DPYD: variants seen among roughly 807,000 people sequenced by gnomAD.
DPYD encodes dihydropyrimidine dehydrogenase [NADP(+)].
A neutral mutation model predicts 116.2 loss-of-function variants in DPYD; 109 were observed. The observed-to-expected ratio is 0.94, with a 90% CI of 0.80 to 1.10. The LOEUF (loss-of-function observed/expected upper bound fraction) is 1.10. DPYD is among the 50% of genes least tolerant of loss of function. The pLI is 0.00. For missense variants in DPYD, 1,302 were observed against 1,254.5 expected (o/e 1.04, Z -0.57); for synonymous variants, 440 against 432.0 (o/e 1.02, Z -0.23).
chr1:97,892,799 T>G (rs2101663580), intron 1 of DPYD, among the ~76,000 whole-genome samples: 1 of 151,986 alleles, frequency 6.6e-6, no homozygotes, highest in African/African-American at 2.4e-5. Flanking sequence ...ATTAAAAATT[T>G]ATGAAGGAAA....
chr1:97,794,515 T>C (rs1337860855), intron 3 of DPYD, among the ~76,000 whole-genome samples: 3 of 152,196 alleles, frequency 2.0e-5, no homozygotes, highest in Non-Finnish European at 4.4e-5. Flanking sequence ...ATCATAGATG[T>C]TTACAGTTAA....
chr1:97,767,152 G>C lies in DPYD; in HGVS notation c.234-26673C>G, dbSNP rs147978991. 1.3e-4 allele frequency among the ~76,000 whole-genome samples: 20 copies of C among 152,240 alleles called. 1 individual carries two copies. In the East Asian group the frequency reaches 3.9e-3, roughly 29 times the overall value. ...GAGTTACATCTGAGAAGCCACATCA[G>C]AACTTCATGTAGTATAGGAGACCCT... is the stretch of plus-strand genomic sequence containing the variant. On this transcript the variant is annotated intron_variant, in intron 3 of 22. Transcript: ENST00000370192.
chr1:97,717,240 C>G (rs974952221), intron 5 of DPYD, among the ~76,000 whole-genome samples: 1 of 151,782 alleles, frequency 6.6e-6, no homozygotes, highest in Non-Finnish European at 1.5e-5. Flanking sequence ...TATGCTGATA[C>G]GACAAGGATT....
chr1:97,439,227 G>GT (rs978346988), intron 14 of DPYD, among the ~76,000 whole-genome samples: 2 of 151,824 alleles, frequency 1.3e-5, no homozygotes, highest in Non-Finnish European at 2.9e-5. Context: ...GTTCCTATCT[G>GT]GAGTTCCTTG....
At chr1:97,342,178 T>C (rs987376512) in intron 16 of DPYD, among the ~76,000 whole-genome samples, 1 of 152,200 alleles carries the variant, frequency 6.6e-6, no homozygotes, top group Admixed American at 6.6e-5. Flanking sequence ...AAAATTGTCA[T>C]ATAAAATTGT....
At chr1:97,374,587 T>G (rs1671494091) in intron 15 of DPYD, among the ~76,000 whole-genome samples, 1 of 151,168 alleles carries the variant, frequency 6.6e-6, no homozygotes, top group Admixed American at 6.6e-5. Flanking sequence ...GGCATGGTGG[T>G]GGGCGCCTGT....
At position 97,751,429 on chromosome 1, in the gene DPYD, CGT is replaced by C. The variant is rs564067118; in HGVS notation, c.234-10952_234-10951del. Reference sequence around the variant, plus strand: ...ATATACGTGTATATATATATGTATACGTGTGTGTGTGTGTGTGTGTGTGTGTG... The same window carrying C: ...ATATACGTGTATATATATATGTATACGTGTGTGTGTGTGTGTGTGTGTGTG... On this transcript the variant is annotated intron_variant, in intron 3 of 22. Transcript: ENST00000370192. Among the ~76,000 whole-genome samples, 181 of 53,038 alleles carry C rather than the reference CGT, an allele frequency of 3.4e-3. 1 individual carries two copies. Among genetic ancestry groups the C allele is most frequent in the African/African-American group, 9.4e-3 (121 of 12,902 alleles). The allele number at this position is 53,038 out of a possible 152,430, so 34.8% of individuals were successfully genotyped here. A position where few individuals can be genotyped will look rare whatever the true frequency, so the allele number is the denominator to read the frequency against.
At chr1:97,750,298 G>C (rs1478621971) in intron 3 of DPYD, among the ~76,000 whole-genome samples, 2 of 151,842 alleles carry the variant, frequency 1.3e-5, no homozygotes, top group African/African-American at 4.8e-5. Context: ...TTTTAAAAAA[G>C]AGGTGAAAAA....
At chr1:97,476,946 T>C (rs1678000977) in intron 13 of DPYD, among the ~76,000 whole-genome samples, 1 of 152,248 alleles carries the variant, frequency 6.6e-6, no homozygotes, top group African/African-American at 2.4e-5. Context: ...TTAAACATTC[T>C]TTATTGCTAA....
rs189889169 is a variant in DPYD, at chr1:97,764,271, T to G, written c.234-23792A>C. ...AACAAATTATAAATGCATAGTTAGA[T>G]CCATAAAATTCTAGCACTAGGAAAT... On this transcript the variant is annotated intron_variant, in intron 3 of 22. Coordinates refer to ENST00000370192, the MANE Select transcript of DPYD (RefSeq NM_000110.4). 2.8e-3 allele frequency among the ~76,000 whole-genome samples: 422 copies of G among 152,150 alleles called. 1 individual carries two copies. Among genetic ancestry groups the G allele is most frequent in the African/African-American group, 9.9e-3 (412 of 41,546 alleles).
At chr1:97,421,759 G>A (rs1292269899) in intron 14 of DPYD, among the ~76,000 whole-genome samples, 1 of 152,124 alleles carries the variant, frequency 6.6e-6, no homozygotes, top group Non-Finnish European at 1.5e-5. Flanking sequence ...AAAGAGTAAA[G>A]CAACACTCTG....
chr1:97,569,685 T>C (rs975237849), intron 11 of DPYD, among the ~76,000 whole-genome samples: 3 of 151,744 alleles, frequency 2.0e-5, no homozygotes, highest in Non-Finnish European at 4.4e-5. Flanking sequence ...TAGAACCATT[T>C]TGAGTTTTTC....
intron 4 of DPYD, among the ~76,000 whole-genome samples, chr1:97,728,200 C>T (rs1211707126): frequency 6.6e-6 from 1 of 151,988 alleles, no homozygotes; most frequent in Non-Finnish European, 1.5e-5. Context: ...GAAATGTTTG[C>T]TGTTTTCAAA....
intron 2 of DPYD, among the ~76,000 whole-genome samples, chr1:97,843,690 T>G (rs1454000636): frequency 6.6e-6 from 1 of 152,194 alleles, no homozygotes; most frequent in African/African-American, 2.4e-5. Context: ...AGCAATACTC[T>G]AAACACTCCA....
intron 12 of DPYD, among the ~76,000 whole-genome samples, chr1:97,529,696 C>A (rs1649428878): frequency 6.7e-6 from 1 of 149,642 alleles, no homozygotes; most frequent in Admixed American, 6.7e-5. Flanking sequence ...TTCTTTCTTT[C>A]CTTTCTTTTT....
chr1:97,605,459 C>T (rs1022491046), intron 8 of DPYD, among the ~76,000 whole-genome samples: 4 of 152,058 alleles, frequency 2.6e-5, no homozygotes, highest in South Asian at 2.1e-4. Context: ...GCACTCACTC[C>T]GTCCTGCTAC....
intron 20 of DPYD, among the ~76,000 whole-genome samples, chr1:97,108,230 G>T (rs1651318402): frequency 6.6e-6 from 1 of 152,082 alleles, no homozygotes; most frequent in Non-Finnish European, 1.5e-5. Context: ...TAGGAGATGG[G>T]GCTCTGATCT....
chr1:97,356,096 T>C (rs1177236739), intron 16 of DPYD, among the ~76,000 whole-genome samples: 1 of 152,280 alleles, frequency 6.6e-6, no homozygotes, highest in East Asian at 1.9e-4. Flanking sequence ...ACACTTATTA[T>C]CTGTTGTCTT....
chr1:97,202,970 T>C (rs1422461084), intron 19 of DPYD, among the ~76,000 whole-genome samples: 6 of 152,142 alleles, frequency 3.9e-5, no homozygotes, highest in Non-Finnish European at 8.8e-5. Flanking sequence ...CCAACGGGCA[T>C]AAATACAAGA....
Sources: gnomAD v4.1 joint callset for allele counts (sites outside exome capture counted in the v4.1 genomes callset) on GRCh38, gnomAD v4.1.1 for gene constraint, MANE v1.5 for transcripts, NCBI Gene and HGNC (gene_info 2026-07-23, HGNC 2026-07-21) for gene names.